UBAC2: variants seen among roughly 807,000 people sequenced by gnomAD.
UBAC2 encodes the protein UBA domain containing 2, also known as ubiquitin-associated domain-containing protein 2.
In UBAC2, 26 loss-of-function variants were observed where a neutral mutation model predicts 44.0. The ratio of observed to expected loss-of-function variants is 0.59; its 90% CI spans 0.43 to 0.82. The LOEUF is 0.82. Among genes scored for constraint, UBAC2 ranks in the 40% least tolerant of loss-of-function variants. The pLI, the probability that UBAC2 is intolerant of heterozygous loss-of-function variation, is 0.00. For synonymous variants in UBAC2, 155 were observed against 154.3 expected (o/e 1.00, Z -0.04); for missense variants, 329 against 419.4 (o/e 0.78, Z 1.88).
At chr13:99,305,713 C>A (rs2044322934) in intron 4 of UBAC2, among the ~76,000 whole-genome samples, 1 of 152,174 alleles carries the variant, frequency 6.6e-6, no homozygotes, top group African/African-American at 2.4e-5. Context: ...ACCATTGTCA[C>A]TAACGCGATA....
intron 8 of UBAC2, among the ~76,000 whole-genome samples, chr13:99,379,648 A>G (rs963186166): frequency 2.6e-5 from 4 of 151,986 alleles, no homozygotes; most frequent in Admixed American, 6.6e-5. Context: ...GTGTTTCTCT[A>G]TTTTTCATTA....
chr13:99,281,135 G>A (rs1044945898), intron 4 of UBAC2, among the ~76,000 whole-genome samples: 4 of 151,722 alleles, frequency 2.6e-5, no homozygotes, highest in Admixed American at 6.6e-5. Context: ...GTTGCAGTGA[G>A]ATGAGATCAC....
intron 4 of UBAC2, among the ~76,000 whole-genome samples, chr13:99,258,950 C>A (rs1380287007): frequency 6.6e-6 from 1 of 152,192 alleles, no homozygotes; most frequent in Non-Finnish European, 1.5e-5. Context: ...TGCTTTGCCA[C>A]ATACATTTAT....
chr13:99,249,048 A>C (rs2043424905), intron 4 of UBAC2, among the ~76,000 whole-genome samples: 1 of 152,110 alleles, frequency 6.6e-6, no homozygotes, highest in South Asian at 2.1e-4. Flanking sequence ...TTTCAGATTC[A>C]GGGGGTACAT....
Position 99,295,129 on chromosome 13 carries a change from A to G in UBAC2, c.390-18968A>G. 6.2e-7 allele frequency: 1 copy of G among 1,614,046 alleles called. No individual in the cohort carries two copies. Among genetic ancestry groups the G allele is most frequent in the South Asian group, 1.1e-5 (1 of 91,044 alleles). The stretch of plus-strand genomic sequence containing the variant: ...CTGTCATTTCACGTGAATTTTCTTC[A>G]GGGGCTGACTTCACAGCACTAGAAA... On this transcript the variant is annotated intron_variant, in intron 4 of 8. Coordinates refer to ENST00000403766, the MANE Select transcript of UBAC2 (RefSeq NM_001144072.2). This position sits in a 1 kb window ranked among gnomAD's most constrained non-coding sequence, Gnocchi z 4.1.
intron 6 of UBAC2, among the ~76,000 whole-genome samples, chr13:99,328,931 G>T (rs1170460162): frequency 2.0e-5 from 3 of 152,176 alleles, no homozygotes; most frequent in African/African-American, 7.2e-5. Context: ...TGTTCTTCAA[G>T]AATTTAATAG....
intron 4 of UBAC2, among the ~76,000 whole-genome samples, chr13:99,251,258 G>A (rs765671178): frequency 3.9e-5 from 6 of 152,152 alleles, no homozygotes; most frequent in Non-Finnish European, 8.8e-5. Flanking sequence ...GTTGTTTCTC[G>A]ATTCCTGGAG....
At chr13:99,242,774 G>T (rs1236793241) in intron 2 of UBAC2, among the ~76,000 whole-genome samples, 1 of 148,590 alleles carries the variant, frequency 6.7e-6, no homozygotes, top group Non-Finnish European at 1.5e-5. Context: ...GCCGGGCGGA[G>T]ACGCTCCTCA....
intron 4 of UBAC2, among the ~76,000 whole-genome samples, chr13:99,266,406 T>C (rs1262575416): frequency 6.6e-6 from 1 of 151,698 alleles, no homozygotes. Flanking sequence ...TTTAAGAAAG[T>C]GTACTAATTT....
At chr13:99,330,890 A>G (rs1156443470) in intron 6 of UBAC2, among the ~76,000 whole-genome samples, 1 of 152,148 alleles carries the variant, frequency 6.6e-6, no homozygotes, top group Non-Finnish European at 1.5e-5. Flanking sequence ...TTAATTTTTC[A>G]TTTTTTGAAT....
chr13:99,249,637 A>G (rs911053654), intron 4 of UBAC2, among the ~76,000 whole-genome samples: 18 of 152,190 alleles, frequency 1.2e-4, no homozygotes, highest in Non-Finnish European at 2.5e-4. Context: ...ATAGTGGCTG[A>G]ACTAATTTAC....
At chr13:99,352,823 AG>A (rs1368891318) in intron 7 of UBAC2, among the ~76,000 whole-genome samples, 1 of 152,184 alleles carries the variant, frequency 6.6e-6, no homozygotes. Context: ...TAGTGCAGTC[AG>A]GAAGAGTCAA....
chr13:99,276,903 A>T (rs2043890720), intron 4 of UBAC2, among the ~76,000 whole-genome samples: 1 of 152,182 alleles, frequency 6.6e-6, no homozygotes, highest in Non-Finnish European at 1.5e-5. Context: ...GCAGGTGGGT[A>T]GAGTTCAGGG....
intron 4 of UBAC2, among the ~76,000 whole-genome samples, chr13:99,264,322 C>A (rs962304485): frequency 4.6e-5 from 7 of 152,166 alleles, no homozygotes; most frequent in Non-Finnish European, 7.4e-5. Flanking sequence ...GAGTTTGGAC[C>A]CACCAGCCTC....
chr13:99,219,752 A>C (rs1398287997), intron 1 of UBAC2, among the ~76,000 whole-genome samples: 1 of 152,200 alleles, frequency 6.6e-6, no homozygotes, highest in African/African-American at 2.4e-5. Context: ...GACAAACACT[A>C]ATCTGCTTTC....
At chr13:99,263,516 G>T (rs1334296475) in intron 4 of UBAC2, among the ~76,000 whole-genome samples, 1 of 152,204 alleles carries the variant, frequency 6.6e-6, no homozygotes, top group Non-Finnish European at 1.5e-5. Context: ...GTGCTGGCAA[G>T]GATGTTGAGT....
In UBAC2 at chr13:99,340,409, A is replaced by G; in HGVS notation, c.651A>G (p.Thr217=). ...PSWMAKFFSW[T]LEPIFSSSEP... ...GGATGGCAAAATTCTTTTCTTGGAC[A>G]CTTGAACCCATCTTCTCTTCTTCAG... Residue 217 remains threonine, a synonymous_variant, in exon 7 of 9, where the codon ACA becomes ACG. Coordinates refer to ENST00000403766, the MANE Select transcript of UBAC2 (RefSeq NM_001144072.2). 1 of 1,614,222 alleles carries G rather than the reference A, an allele frequency of 6.2e-7. No homozygotes were observed. The highest frequency in any genetic ancestry group is 8.5e-7 in the Non-Finnish European group (1 of 1,180,050).
chr13:99,255,233 G>C, intron 4 of UBAC2: 1 of 1,614,096 alleles, frequency 6.2e-7, no homozygotes, highest in South Asian at 1.1e-5. Flanking sequence ...CCGTGAAGGA[G>C]ATTATGAATA....
At chr13:99,231,538 G>A (rs1294502424) in intron 1 of UBAC2, 3 of 147,900 alleles carry the variant, frequency 2.0e-5, no homozygotes, top group African/African-American at 5.0e-5. Flanking sequence ...TCAGCCTCCC[G>A]AGTAGCTGGG....
Sources: allele counts gnomAD v4.1 joint callset (sites outside exome capture counted in the v4.1 genomes callset), GRCh38; gene constraint gnomAD v4.1.1; non-coding constraint Gnocchi (gnomAD v3.1); transcripts MANE v1.5; gene names NCBI Gene and HGNC (gene_info 2026-07-23, HGNC 2026-07-21).